MYO16: variants seen among roughly 807,000 people sequenced by gnomAD.
MYO16 encodes the protein unconventional myosin-XVI.
MYO16 carries 94 observed loss-of-function variants against 205.3 expected under a neutral mutation model. That is an observed-to-expected ratio of 0.46 (90% confidence interval 0.39 to 0.54). MYO16 has a LOEUF of 0.54. Among genes scored for constraint, MYO16 ranks in the 20% least tolerant of loss-of-function variants. The pLI, the probability that MYO16 is intolerant of heterozygous loss-of-function variation, is 0.00. For synonymous variants in MYO16, 988 were observed against 954.0 expected (o/e 1.04, Z -0.66); for missense variants, 2,315 against 2,387.5 (o/e 0.97, Z 0.63).
chr13:108,989,746 G>A (rs374205266), intron 20 of MYO16, among the ~76,000 whole-genome samples: 2 of 151,990 alleles, frequency 1.3e-5, no homozygotes, highest in Non-Finnish European at 2.9e-5. Flanking sequence ...TTTGAGGAAG[G>A]CTCTACCGAT....
chr13:108,956,666 A>C (rs1377444494), intron 16 of MYO16, among the ~76,000 whole-genome samples: 1 of 152,068 alleles, frequency 6.6e-6, no homozygotes, highest in Admixed American at 6.5e-5. Context: ...TGCTTTGTAC[A>C]TATTCTAATT....
chr13:108,898,931 C>A lies in MYO16; in HGVS notation c.1777+798C>A, dbSNP rs540813954. Among the ~76,000 whole-genome samples the A allele has an allele frequency of 3.9e-5, 6 of 152,138 alleles. No homozygotes were observed. In the East Asian group the frequency reaches 9.7e-4, roughly 25 times the overall value. On this transcript the variant is annotated intron_variant, in intron 15 of 34. Coordinates refer to ENST00000457511, the MANE Select transcript of MYO16 (RefSeq NM_001198950.3). ...AAAAAACTTTTACAACAGCTGTCAG[C>A]ACATAAACATTTGCCAATTATTATA...
intron 20 of MYO16, among the ~76,000 whole-genome samples, chr13:108,988,847 G>A (rs1232655735): frequency 6.6e-6 from 1 of 152,142 alleles, no homozygotes; most frequent in Non-Finnish European, 1.5e-5. Context: ...TGGATAGAGA[G>A]GCATCTGTGC....
At chr13:108,616,749 A>G (rs915222404) in intron 1 of MYO16, among the ~76,000 whole-genome samples, 9 of 152,196 alleles carry the variant, frequency 5.9e-5, no homozygotes, top group African/African-American at 1.9e-4. Flanking sequence ...AAGTCAAAGC[A>G]GTACAAAAGT....
chr13:108,981,187 G>A (rs905909954), intron 20 of MYO16, among the ~76,000 whole-genome samples: 5 of 152,184 alleles, frequency 3.3e-5, no homozygotes, highest in South Asian at 2.1e-4. Flanking sequence ...CCCCGCAGGC[G>A]AGGTTATCCT....
chr13:108,687,222 T>C (rs1036945093), intron 2 of MYO16, among the ~76,000 whole-genome samples: 9 of 152,346 alleles, frequency 5.9e-5, no homozygotes, highest in African/African-American at 2.2e-4. Flanking sequence ...AAATCTCACT[T>C]CTCTGTAGAT....
intron 27 of MYO16, among the ~76,000 whole-genome samples, chr13:109,091,177 A>G (rs1888611238): frequency 6.6e-6 from 1 of 152,222 alleles, no homozygotes; most frequent in Admixed American, 6.5e-5. Flanking sequence ...TTTGGTGTGC[A>G]TGGCAGGTAC....
Position 109,143,438 on chromosome 13 carries a change from G to A in MYO16, c.5164+2062G>A, listed in dbSNP as rs114162428. Among the ~76,000 whole-genome samples, 1,112 of 152,176 alleles carry A rather than the reference G, an allele frequency of 7.3e-3. 32 individuals carry two copies. The highest frequency in any genetic ancestry group is 0.025 in the African/African-American group (1,046 of 41,480). On this transcript the variant is annotated intron_variant, in intron 32 of 34. Coordinates refer to ENST00000457511, the MANE Select transcript of MYO16 (RefSeq NM_001198950.3). Reference sequence around the variant, plus strand: ...GCAGAATGTTTGAATTTCACACACCGTGTTTCATTCCAAGGAACAAAATGG... The same window carrying A: ...GCAGAATGTTTGAATTTCACACACCATGTTTCATTCCAAGGAACAAAATGG...
chr13:108,866,373 T>C, intron 12 of MYO16, 131 bp downstream of exon 12: 1 of 493,526 alleles, frequency 2.0e-6, no homozygotes, highest in Non-Finnish European at 3.5e-6. Flanking sequence ...ATTGAATGAT[T>C]GTGTAGCAGT....
chr13:108,585,935 T>C, the MYO16 span, among the ~76,000 whole-genome samples: 37 of 132,608 alleles, frequency 2.8e-4, no homozygotes, highest in African/African-American at 9.4e-4. Context: ...TGCTATTTAT[T>C]ACAATGTTCA....
chr13:108,777,444 C>G (rs1886158515), intron 4 of MYO16, among the ~76,000 whole-genome samples: 1 of 152,144 alleles, frequency 6.6e-6, no homozygotes, highest in South Asian at 2.1e-4. Flanking sequence ...GGGAGAGTAT[C>G]TGGAAGAGGA....
intron 20 of MYO16, among the ~76,000 whole-genome samples, chr13:108,991,585 G>A (rs144247725): frequency 6.1e-5 from 9 of 148,148 alleles, no homozygotes; most frequent in Non-Finnish European, 9.2e-5. Context: ...GAAGACACAA[G>A]TATAGCTAGT....
At chr13:108,879,048 T>C (rs1185629278) in intron 12 of MYO16, among the ~76,000 whole-genome samples, 2 of 152,248 alleles carry the variant, frequency 1.3e-5, no homozygotes, top group Non-Finnish European at 2.9e-5. Flanking sequence ...AAAGTGCTTA[T>C]GTTGCTAAGC....
intron 30 of MYO16, among the ~76,000 whole-genome samples, chr13:109,126,245 GA>G (rs375929995): frequency 3.2e-4 from 49 of 151,966 alleles, no homozygotes; most frequent in African/African-American, 1.2e-3. Flanking sequence ...CCTTTGTACA[GA>G]AAAAAAGACT....
the MYO16 span, among the ~76,000 whole-genome samples, chr13:108,572,620 G>A: frequency 1.3e-5 from 2 of 152,098 alleles, no homozygotes; most frequent in Non-Finnish European, 2.9e-5. Flanking sequence ...CCTTGCTTTA[G>A]GTCCTTCCCT....
chr13:108,634,682 C>T (rs1287543928), intron 1 of MYO16, among the ~76,000 whole-genome samples: 1 of 152,176 alleles, frequency 6.6e-6, no homozygotes, highest in Admixed American at 6.5e-5. Flanking sequence ...ATCCAATGGA[C>T]ACTAGACCTG....
intron 4 of MYO16, among the ~76,000 whole-genome samples, chr13:108,774,109 CAATAAAATAA>C (rs148069280): frequency 1.3e-5 from 2 of 151,534 alleles, no homozygotes; most frequent in East Asian, 1.9e-4. Flanking sequence ...AAATAAATAA[CAATAAAATAA>C]AATAAAATAA....
intron 16 of MYO16, among the ~76,000 whole-genome samples, chr13:108,931,549 T>C (rs1215859085): frequency 6.6e-6 from 1 of 152,220 alleles, no homozygotes; most frequent in Non-Finnish European, 1.5e-5. Context: ...CCTCTGTGTG[T>C]ATCTGTACTG....
chr13:108,941,790 A>G (rs1007075214), intron 16 of MYO16, among the ~76,000 whole-genome samples: 3 of 151,990 alleles, frequency 2.0e-5, no homozygotes, highest in African/African-American at 4.8e-5. Flanking sequence ...TTTTCCTGAA[A>G]CATTGATTCA....
Sources: gnomAD v4.1 joint callset for allele counts (sites outside exome capture counted in the v4.1 genomes callset) on GRCh38, gnomAD v4.1.1 for gene constraint, MANE v1.5 for transcripts, NCBI Gene and HGNC (gene_info 2026-07-23, HGNC 2026-07-21) for gene names.